The following GFRA1 variants were observed in gnomAD, a reference collection of about 807,000 sequenced individuals.
The protein encoded by GFRA1 is GDNF family receptor alpha 1.
GFRA1 carries 16 observed loss-of-function variants against 51.6 expected under a neutral mutation model. The ratio of observed to expected loss-of-function variants is 0.31; its 90% CI spans 0.21 to 0.47. The LOEUF is 0.47. GFRA1 is among the 20% of genes least tolerant of loss of function. GFRA1 has a pLI of 1.00. For synonymous variants in GFRA1, 270 were observed against 241.3 expected (o/e 1.12, Z -1.10); for missense variants, 530 against 594.3 (o/e 0.89, Z 1.13).
At chr10:116,165,771 C>A (rs186921601) in intron 5 of GFRA1, among the ~76,000 whole-genome samples, 6 of 151,864 alleles carry the variant, frequency 4.0e-5, no homozygotes, top group Admixed American at 3.9e-4. Flanking sequence ...GAAAATAGGA[C>A]CTTGTGGCGA....
At chr10:116,219,235 T>C (rs897747302) in intron 4 of GFRA1, among the ~76,000 whole-genome samples, 3 of 152,044 alleles carry the variant, frequency 2.0e-5, no homozygotes, top group Non-Finnish European at 4.4e-5. Context: ...TGAAAGAACA[T>C]AAAAAAATAG....
chr10:116,208,781 A>G (rs1487559603), intron 5 of GFRA1, among the ~76,000 whole-genome samples: 2 of 152,208 alleles, frequency 1.3e-5, no homozygotes, highest in Non-Finnish European at 2.9e-5. Flanking sequence ...GTAACTTCAA[A>G]TGAGGCGTGC....
At chr10:116,133,402 G>A (rs1958187091) in intron 5 of GFRA1, among the ~76,000 whole-genome samples, 1 of 152,100 alleles carries the variant, frequency 6.6e-6, no homozygotes, top group African/African-American at 2.4e-5. Context: ...TGGCAACCGA[G>A]GGTGAGATCC....
intron 5 of GFRA1, among the ~76,000 whole-genome samples, chr10:116,164,578 C>T (rs892258490): frequency 2.0e-5 from 3 of 152,272 alleles, no homozygotes; most frequent in South Asian, 2.1e-4. Flanking sequence ...CTGGAGAGAA[C>T]GTGGGCATTT....
upstream of GFRA1, among the ~76,000 whole-genome samples, chr10:116,274,370 C>G (rs554875434): frequency 4.6e-5 from 7 of 152,208 alleles, no homozygotes; most frequent in Non-Finnish European, 1.0e-4. Context: ...AAACCTATCA[C>G]GCCAGACAAT....
intron 5 of GFRA1, among the ~76,000 whole-genome samples, chr10:116,150,265 T>C (rs1959008549): frequency 6.6e-6 from 1 of 152,162 alleles, no homozygotes; most frequent in East Asian, 1.9e-4. Context: ...TGCCTCCTCC[T>C]TCCACTTTGA....
rs889669680 is a variant in GFRA1 at position 116,117,107 on chromosome 10, C to T, written c.770+8114G>A. On this transcript the variant is annotated intron_variant, in intron 6 of 10. Transcript: ENST00000355422. ...CGTCCTCTGTGTGGAAGCAGGGTGA[C>T]CCTTGGGCTGGCCACTCCACTGATC... 3.9e-5 allele frequency among the ~76,000 whole-genome samples: 6 copies of T among 152,170 alleles called. No individual in the cohort carries two copies. The East Asian group carries it at 1.2e-3, about 29-fold the overall frequency.
intron 6 of GFRA1, among the ~76,000 whole-genome samples, chr10:116,119,176 G>A (rs1470994835): frequency 6.6e-6 from 1 of 152,156 alleles, no homozygotes; most frequent in Non-Finnish European, 1.5e-5. Flanking sequence ...CAGCAGGAAG[G>A]TGCCCCTCCC....
chr10:116,121,209 G>C (rs1011401650), intron 6 of GFRA1, among the ~76,000 whole-genome samples: 4 of 152,178 alleles, frequency 2.6e-5, no homozygotes, highest in African/African-American at 9.6e-5. Flanking sequence ...AAAAGGTTAT[G>C]CTTCCATTCG....
chr10:116,197,428 C>T (rs1355100472), intron 5 of GFRA1, among the ~76,000 whole-genome samples: 1 of 152,150 alleles, frequency 6.6e-6, no homozygotes, highest in Admixed American at 6.5e-5. Context: ...TGTTTATAAG[C>T]TACCCAATTT....
At chr10:116,234,841 G>A (rs1188640011) in intron 4 of GFRA1, among the ~76,000 whole-genome samples, 1 of 152,112 alleles carries the variant, frequency 6.6e-6, no homozygotes, top group South Asian at 2.1e-4. Flanking sequence ...GGGACCCGAT[G>A]GGAGGTAATT....
In GFRA1 at chr10:116,165,138, G is replaced by C. The variant is rs180703133; in HGVS notation, c.434-39581C>G. ...AATCTCTGAGTCTGAGGTGAATTTT[G>C]AATCAAGCAGAGCCTCAGTGTCTTC... On this transcript the variant is annotated intron_variant, in intron 5 of 10. Transcript: ENST00000355422. 1.5e-3 allele frequency among the ~76,000 whole-genome samples: 221 copies of C among 152,252 alleles called. 2 individuals carry two copies. Among genetic ancestry groups the C allele is most frequent in the Admixed American group, 0.012 (178 of 15,300 alleles).
At chr10:116,141,046 C>T (rs982533028) in intron 5 of GFRA1, among the ~76,000 whole-genome samples, 1 of 152,272 alleles carries the variant, frequency 6.6e-6, no homozygotes, top group Admixed American at 6.5e-5. Flanking sequence ...AATAATGTAG[C>T]CATAAAACCT....
intron 6 of GFRA1, among the ~76,000 whole-genome samples, chr10:116,122,545 C>A (rs142571970): frequency 8.0e-4 from 122 of 152,318 alleles, no homozygotes; most frequent in Non-Finnish European, 1.5e-3. Context: ...TCTCAACTCC[C>A]AGCTATTCTC....
At chr10:116,222,253 C>T (rs2134504071) in intron 4 of GFRA1, among the ~76,000 whole-genome samples, 2 of 152,238 alleles carry the variant, frequency 1.3e-5, no homozygotes, top group South Asian at 4.2e-4. Flanking sequence ...GGCTGGAGTG[C>T]AGCAGCGTGA....
intron 8 of GFRA1, among the ~76,000 whole-genome samples, chr10:116,090,543 A>G (rs549133074): frequency 3.3e-5 from 5 of 151,952 alleles, no homozygotes; most frequent in African/African-American, 4.8e-5. Context: ...AAATCTGCAT[A>G]ATTAGGTAGG....
chr10:116,179,186 A>G (rs897200943), intron 5 of GFRA1, among the ~76,000 whole-genome samples: 3 of 152,204 alleles, frequency 2.0e-5, no homozygotes, highest in Non-Finnish European at 4.4e-5. Context: ...TTTATTTCAT[A>G]CATTAAACCT....
intron 9 of GFRA1, among the ~76,000 whole-genome samples, chr10:116,088,673 C>T (rs1177194227): frequency 1.3e-5 from 2 of 152,110 alleles, no homozygotes; most frequent in Non-Finnish European, 2.9e-5. Context: ...GTAATCCCAG[C>T]ACTTTGGGAG....
At chr10:116,183,131 G>A (rs1037948255) in intron 5 of GFRA1, among the ~76,000 whole-genome samples, 1 of 152,210 alleles carries the variant, frequency 6.6e-6, no homozygotes, top group African/African-American at 2.4e-5. Flanking sequence ...AACAAGTACA[G>A]CAAGTGTTGA....
Sources: allele counts gnomAD v4.1 joint callset (sites outside exome capture counted in the v4.1 genomes callset), GRCh38; gene constraint gnomAD v4.1.1; transcripts MANE v1.5; gene names NCBI Gene and HGNC (gene_info 2026-07-23, HGNC 2026-07-21).